Variants in SPTBN1 observed in about 807,000 individuals in gnomAD.
SPTBN1 encodes spectrin beta chain, non-erythrocytic 1.
Under a neutral mutation model 266.4 loss-of-function variants are expected in SPTBN1, and 32 were observed. That is an observed-to-expected ratio of 0.12 (90% CI 0.09 to 0.16). The LOEUF is 0.16. SPTBN1 is among the 10% of genes least tolerant of loss of function. The pLI is 1.00. For missense variants in SPTBN1, 2,296 were observed against 3,067.1 expected (o/e 0.75, Z 5.94); for synonymous variants, 1,336 against 1,162.2 (o/e 1.15, Z -3.04).
At chr2:54,543,475 T>C (rs1672054284) in intron 2 of SPTBN1, among the ~76,000 whole-genome samples, 1 of 152,098 alleles carries the variant, frequency 6.6e-6, no homozygotes, top group South Asian at 2.1e-4. Flanking sequence ...AAAAGGCACA[T>C]GTTCTGATGG....
intron 3 of SPTBN1, among the ~76,000 whole-genome samples, chr2:54,609,764 C>G (rs1490850109): frequency 6.6e-6 from 1 of 152,116 alleles, no homozygotes; most frequent in Non-Finnish European, 1.5e-5. Context: ...TGGCAAGGTA[C>G]TTTGAGACTT....
rs1028340622 is a variant in SPTBN1 at position 54,587,019 on chromosome 2, G to A, written c.149-12073G>A. On this transcript the variant is annotated intron_variant, in intron 2 of 35. Transcript: ENST00000356805. ...TGGAGTAGATTGAAAACCATAATAA[G>A]CAAGGGCCGGGGAGCATGTTATTTG... Among the ~76,000 whole-genome samples the A allele has an allele frequency of 6.6e-5, 10 of 152,234 alleles. No homozygotes were observed. The East Asian group carries it at 7.7e-4, about 12-fold the overall frequency.
intron 1 of SPTBN1, among the ~76,000 whole-genome samples, chr2:54,465,637 C>CATATATATATATATATATATATATATA (rs1433073794): frequency 2.1e-4 from 19 of 89,734 alleles, no homozygotes; most frequent in Admixed American, 5.5e-4. Flanking sequence ...TCATGTTTAT[C>CATATATATATATATATATATATATATA]TCATATATAT....
At chr2:54,532,799 T>C (rs1344755807) in intron 2 of SPTBN1, among the ~76,000 whole-genome samples, 1 of 152,202 alleles carries the variant, frequency 6.6e-6, no homozygotes, top group African/African-American at 2.4e-5. Flanking sequence ...CACAATTTTT[T>C]AAAGACTACG....
At chr2:54,469,012 G>C (rs905136421) in intron 1 of SPTBN1, among the ~76,000 whole-genome samples, 1 of 152,092 alleles carries the variant, frequency 6.6e-6, no homozygotes, top group Non-Finnish European at 1.5e-5. Flanking sequence ...GCTTTCTTGG[G>C]GTCTTTGTAT....
chr2:54,644,436 C>A lies in SPTBN1; in HGVS notation c.4119C>A (p.Ala1373=), dbSNP rs746936563. 6.2e-7 allele frequency: 1 copy of A among 1,614,080 alleles called. No homozygotes were observed. The highest frequency in any genetic ancestry group is 1.6e-4 in the Middle Eastern group (1 of 6,084). Residue 1373 remains alanine (A), a synonymous_variant, in exon 20 of 36, where the codon GCC becomes GCA. Coordinates refer to ENST00000356805, the MANE Select transcript of SPTBN1 (RefSeq NM_003128.3). ...TTGAATCCACTACCCAGACAAAGGC[C>A]CAGCGGCTCTTTGATGCAAACAAGG... is the stretch of plus-strand genomic sequence containing the variant. ...EVLESTTQTK[A]QRLFDANKAE... is the part of the protein sequence containing the mutation.
At chr2:54,536,714 A>G (rs546053418) in intron 2 of SPTBN1, among the ~76,000 whole-genome samples, 1 of 152,158 alleles carries the variant, frequency 6.6e-6, no homozygotes, top group Non-Finnish European at 1.5e-5. Context: ...AACAACAAAG[A>G]TATGTGTGTG....
intron 1 of SPTBN1, among the ~76,000 whole-genome samples, chr2:54,483,508 G>A (rs1181239441): frequency 6.6e-6 from 1 of 152,228 alleles, no homozygotes; most frequent in African/African-American, 2.4e-5. Flanking sequence ...CACGTGGAGA[G>A]GCTGTCTGGA....
rs201537275 is a variant in SPTBN1, at chr2:54,599,152, G to C, written c.209G>C (p.Arg70Pro). Residue 70 changes from arginine (R) to proline (P), a missense_variant, in exon 3 of 36, where the codon CGT becomes CCT. Around this residue, in one of 12 missense-constraint regions of SPTBN1, gnomAD observed 178 missense variants for 375.7 expected, o/e 0.47. Coordinates refer to ENST00000356805, the MANE Select transcript of SPTBN1 (RefSeq NM_003128.3). ...FTKWVNSHLA[R>P]VSCRITDLYT... ...AAGTGGGTCAATTCCCACCTTGCCC[G>C]TGTGTCCTGCCGGATCACAGACCTG... The C allele has an allele frequency of 6.2e-7, 1 of 1,614,156 alleles. No individual in the cohort carries two copies.
chr2:54,532,324 G>A (rs367860073), intron 2 of SPTBN1, among the ~76,000 whole-genome samples: 2 of 152,138 alleles, frequency 1.3e-5, no homozygotes, highest in African/African-American at 4.8e-5. Context: ...ATTGAGTATT[G>A]TCATATACTC....
At position 54,543,649 on chromosome 2, in the gene SPTBN1, G is replaced by A. The variant is rs192335160; in HGVS notation, c.148+17083G>A. Among the ~76,000 whole-genome samples, 347 of 152,090 alleles carry A rather than the reference G, an allele frequency of 2.3e-3. 2 individuals carry two copies. The highest frequency in any genetic ancestry group is 3.0e-3 in the Non-Finnish European group (203 of 67,986). ...CTTTGCATTTGTATCTTCTCTCACT[G>A]TACTTTCCTGTTTCGGATTTGCACT... On this transcript the variant is annotated intron_variant, in intron 2 of 35. Coordinates refer to ENST00000356805, the MANE Select transcript of SPTBN1 (RefSeq NM_003128.3).
rs564153898 is a variant in SPTBN1 at position 54,648,044 on chromosome 2, C to T, written c.4997+783C>T. Among the ~76,000 whole-genome samples, 6 of 152,112 alleles carry T rather than the reference C, an allele frequency of 3.9e-5. No homozygotes were observed. The East Asian group carries it at 7.7e-4, about 20-fold the overall frequency. ...AAAGTGATAACACCTCCTAACTCTT[C>T]GATATCAAGTGATTAGAACACCTTC... On this transcript the variant is annotated intron_variant, in intron 24 of 35. Coordinates refer to ENST00000356805, the MANE Select transcript of SPTBN1 (RefSeq NM_003128.3).
chr2:54,594,483 C>T (rs139596047), intron 2 of SPTBN1, among the ~76,000 whole-genome samples: 116 of 152,162 alleles, frequency 7.6e-4, no homozygotes, highest in African/African-American at 2.7e-3. Context: ...ATATACCATG[C>T]TATATAAGGG....
intron 10 of SPTBN1, 138 bp from the exon 11 acceptor site, chr2:54,624,666 G>C (rs1678211883): frequency 7.7e-7 from 1 of 1,297,786 alleles, no homozygotes; most frequent in Non-Finnish European, 1.0e-6. Flanking sequence ...TTGAGAGTCA[G>C]TGAGAGTGGG....
At chr2:54,642,214 C>T (rs948436593) in intron 18 of SPTBN1, among the ~76,000 whole-genome samples, 5 of 152,176 alleles carry the variant, frequency 3.3e-5, no homozygotes, top group Non-Finnish European at 7.4e-5. Context: ...CTGGGCCTGG[C>T]GTTTGGCTGA....
chr2:54,497,174 AC>A (rs1322560018), intron 1 of SPTBN1, among the ~76,000 whole-genome samples: 1 of 152,146 alleles, frequency 6.6e-6, no homozygotes, highest in Non-Finnish European at 1.5e-5. Context: ...GACCAGAGAA[AC>A]CCTAGAGTTG....
At chr2:54,576,725 A>G (rs1048377190) in intron 2 of SPTBN1, among the ~76,000 whole-genome samples, 2 of 152,200 alleles carry the variant, frequency 1.3e-5, no homozygotes, top group African/African-American at 2.4e-5. Context: ...TGTTCAATCA[A>G]TATTCAGCCA....
chr2:54,466,364 C>CTATTAACATTGGTT (rs1276533923), intron 1 of SPTBN1, among the ~76,000 whole-genome samples: 2 of 25,942 alleles, frequency 7.7e-5, no homozygotes, highest in African/African-American at 6.6e-4. Context: ...TCTTCGAGAC[C>CTATTAACATTGGTT]ATCCTGGCTA....
intron 1 of SPTBN1, among the ~76,000 whole-genome samples, chr2:54,497,699 C>A (rs1174804442): frequency 6.6e-6 from 1 of 152,138 alleles, no homozygotes; most frequent in Admixed American, 6.5e-5. Flanking sequence ...TTAAAGACTG[C>A]CTTGATGCCA....
Sources: gnomAD v4.1 joint callset for allele counts (sites outside exome capture counted in the v4.1 genomes callset) on GRCh38, gnomAD v4.1.1 for gene constraint, gnomAD v4.1.1 regional missense constraint, MANE v1.5 for transcripts, NCBI Gene and HGNC (gene_info 2026-07-23, HGNC 2026-07-21) for gene names.